Variants in SLC9A7 observed in about 807,000 individuals in gnomAD.
SLC9A7 encodes the protein sodium/hydrogen exchanger 7.
In SLC9A7, 19 loss-of-function variants were observed where a neutral mutation model predicts 52.6. That is an observed-to-expected ratio of 0.36 (90% confidence interval 0.25 to 0.53). The LOEUF (loss-of-function observed/expected upper bound fraction) is 0.53, where lower values mean the gene tolerates loss of function less well. Ranked by LOEUF, SLC9A7 falls within the 20% of genes least tolerant of loss-of-function variation. SLC9A7 has a pLI of 0.91. For synonymous variants in SLC9A7, 226 were observed against 252.1 expected, an observed-to-expected ratio of 0.90 and a Z score of 0.98; for missense variants, 455 against 597.9, an observed-to-expected ratio of 0.76 and a Z score of 2.49.
At chrX:46,626,534 C>T (rs751675883) in intron 14 of SLC9A7, among the ~76,000 whole-genome samples, 28 of 112,778 alleles carry the variant, frequency 2.5e-4, no homozygotes, top group African/African-American at 6.4e-4. Flanking sequence ...CTTGGCCTCC[C>T]GAAGTGCTGG....
intron 1 of SLC9A7, among the ~76,000 whole-genome samples, chrX:46,734,222 T>C (rs907408686): frequency 5.6e-5 from 4 of 71,348 alleles, no homozygotes; most frequent in African/African-American, 2.0e-4. Context: ...TTGAGAACCA[T>C]TGTTGTAGAT....
chrX:46,630,937 G>A (rs533817350), intron 14 of SLC9A7, among the ~76,000 whole-genome samples: 9 of 112,439 alleles, frequency 8.0e-5, no homozygotes, highest in Middle Eastern at 9.3e-3. Flanking sequence ...CCACCATGCT[G>A]GCAGGCAGCT....
chrX:46,664,975 T>C (rs914432582), intron 5 of SLC9A7, among the ~76,000 whole-genome samples: 6 of 110,904 alleles, frequency 5.4e-5, no homozygotes. Context: ...TGTTTCAACT[T>C]CTCATTCTCC....
intron 1 of SLC9A7, among the ~76,000 whole-genome samples, chrX:46,720,674 T>A (rs1448413597): frequency 9.0e-6 from 1 of 110,905 alleles, no homozygotes; most frequent in Non-Finnish European, 1.9e-5. Flanking sequence ...CCCCTACACA[T>A]AAACACTCAT....
At chrX:46,710,182 G>C (rs1569521613) in intron 1 of SLC9A7, among the ~76,000 whole-genome samples, 1 of 112,369 alleles carries the variant, frequency 8.9e-6, no homozygotes, top group East Asian at 2.8e-4. Context: ...GTGCACAAAT[G>C]ATCTCTAAAG....
intron 1 of SLC9A7, among the ~76,000 whole-genome samples, chrX:46,685,983 CTG>C (rs1404748443): frequency 1.8e-5 from 2 of 111,874 alleles, no homozygotes; most frequent in African/African-American, 6.5e-5. Context: ...AATGGAAAGA[CTG>C]AAGCATACTA....
chrX:46,687,619 C>T (rs896405527), intron 1 of SLC9A7, among the ~76,000 whole-genome samples: 1 of 111,566 alleles, frequency 9.0e-6, no homozygotes, highest in Non-Finnish European at 1.9e-5. Flanking sequence ...CTGTGTTATT[C>T]GTTGATATAT....
chrX:46,617,734 G>T (rs1232453458), intron 15 of SLC9A7, among the ~76,000 whole-genome samples: 1 of 111,863 alleles, frequency 8.9e-6, no homozygotes, highest in East Asian at 2.8e-4. Context: ...CTAAAATTTA[G>T]ATTCAGATGA....
rs1263587858 is a variant in SLC9A7, at chrX:46,600,339, C to A, written c.*6613G>T. 8.9e-6 allele frequency: 1 copy of A among 111,985 alleles called. No homozygotes were observed. Among genetic ancestry groups the A allele is most frequent in the Non-Finnish European group, 1.9e-5 (1 of 53,256 alleles). 9.2% of individuals were successfully genotyped at this position (111,985 alleles called of 1,213,427 possible). On this transcript the variant is annotated 3_prime_UTR_variant, in exon 17 of 17. Transcript: ENST00000616978. ...AACATATACAGGCCCAGACAATTTT[C>A]CACTGGCCAAGAGCTGACTGTGACA...
chrX:46,709,828 G>A (rs1944661492), intron 1 of SLC9A7, among the ~76,000 whole-genome samples: 2 of 112,168 alleles, frequency 1.8e-5, no homozygotes, highest in African/African-American at 6.5e-5. Flanking sequence ...GAACCATTAG[G>A]CAATGTGAGA....
intron 1 of SLC9A7, among the ~76,000 whole-genome samples, chrX:46,693,936 T>C (rs951129901): frequency 9.1e-6 from 1 of 109,689 alleles, no homozygotes; most frequent in Middle Eastern, 4.6e-3. Context: ...CCTAAGCGAA[T>C]TAAGGCAGGA....
At chrX:46,736,749 C>T (rs1039743163) in intron 1 of SLC9A7, among the ~76,000 whole-genome samples, 20 of 111,142 alleles carry the variant, frequency 1.8e-4, no homozygotes, top group African/African-American at 5.6e-4. Flanking sequence ...GTCTTCCCCT[C>T]GCTTGGCTTT....
intron 5 of SLC9A7, 87 bp downstream of exon 5, chrX:46,669,520 A>G (rs1000583322): frequency 2.0e-6 from 1 of 493,138 alleles, no homozygotes; most frequent in African/African-American, 2.5e-5. Flanking sequence ...TCCCTACTGC[A>G]ACAAAAGTTA....
intron 1 of SLC9A7, among the ~76,000 whole-genome samples, chrX:46,699,498 A>ATGTTGTT: frequency 8.9e-6 from 1 of 111,872 alleles, no homozygotes; most frequent in Non-Finnish European, 1.9e-5. Flanking sequence ...ATGGTATCCA[A>ATGTTGTT]GTGTAGGTTG....
At chrX:46,648,159 A>G (rs1321452551) in intron 11 of SLC9A7, among the ~76,000 whole-genome samples, 1 of 112,245 alleles carries the variant, frequency 8.9e-6, no homozygotes, top group Non-Finnish European at 1.9e-5. Context: ...CAGTTATTAA[A>G]TTCTAGTGTT....
At chrX:46,625,738 C>G (rs1195820060) in intron 14 of SLC9A7, among the ~76,000 whole-genome samples, 10 of 100,082 alleles carry the variant, frequency 1.0e-4, no homozygotes, top group Non-Finnish European at 1.6e-4. Context: ...AAAAAAAGGA[C>G]ATGGAGGGCA....
chrX:46,730,864 G>T (rs990309261), intron 1 of SLC9A7, among the ~76,000 whole-genome samples: 8 of 104,710 alleles, frequency 7.6e-5, no homozygotes, highest in African/African-American at 2.7e-4. Flanking sequence ...GGATATCTTT[G>T]AATAGGAAGA....
intron 1 of SLC9A7, among the ~76,000 whole-genome samples, chrX:46,729,526 C>T (rs1315749565): frequency 5.4e-5 from 6 of 111,689 alleles, no homozygotes; most frequent in Non-Finnish European, 9.4e-5. Flanking sequence ...GTAATCGCAG[C>T]ACTTTGGGAG....
chrX:46,759,103 G>A lies in SLC9A7; in HGVS notation c.-74C>T. The A allele has an allele frequency of 5.7e-6, 4 of 696,090 alleles. No individual in the cohort carries two copies. The highest frequency in any genetic ancestry group is 7.3e-6 in the Non-Finnish European group (4 of 551,482). 57.4% of individuals were successfully genotyped at this position (696,090 alleles called of 1,213,427 possible). On this transcript the variant is annotated 5_prime_UTR_variant, in exon 1 of 17. Transcript: ENST00000616978. ...GCCGTCGGCGGGTTCTGGCAGCACC[G>A]CGGACCTGCCGGAGTGGCCGTGGCC...
Sources: gnomAD v4.1 joint callset for allele counts (sites outside exome capture counted in the v4.1 genomes callset) on GRCh38, gnomAD v4.1.1 for gene constraint, MANE v1.5 for transcripts, NCBI Gene and HGNC (gene_info 2026-07-23, HGNC 2026-07-21) for gene names.